The following HEATR4 variants were observed in gnomAD, a reference collection of about 807,000 sequenced individuals.
HEATR4 encodes HEAT repeat-containing protein 4.
A neutral mutation model predicts 108.8 loss-of-function variants in HEATR4; 95 were observed. The ratio of observed to expected loss-of-function variants is 0.87; its 90% CI spans 0.74 to 1.04. The LOEUF (loss-of-function observed/expected upper bound fraction) is 1.04. HEATR4 is among the 50% of genes least tolerant of loss of function. The pLI is 0.00. For missense variants in HEATR4, 1,152 were observed against 1,253.8 expected (o/e 0.92, Z 1.23); for synonymous variants, 443 against 459.4 (o/e 0.96, Z 0.46).
the HEATR4 span, among the ~76,000 whole-genome samples, chr14:73,625,431 G>A: frequency 6.6e-6 from 1 of 151,814 alleles, no homozygotes; most frequent in Non-Finnish European, 1.5e-5. Context: ...GCACGATCTC[G>A]ACTCACAGCA....
intron 1 of HEATR4, among the ~76,000 whole-genome samples, chr14:73,544,757 C>A (rs1406990302): frequency 8.8e-6 from 1 of 113,368 alleles, no homozygotes; most frequent in African/African-American, 2.9e-5. Context: ...GGCAACATGG[C>A]AAAACCCCGT....
At chr14:73,595,338 C>G in the HEATR4 span, 1 of 1,614,178 alleles carries the variant, frequency 6.2e-7, no homozygotes, top group Non-Finnish European at 8.5e-7. Context: ...GCCCAGGGGC[C>G]CATCCTGCTC....
intron 4 of HEATR4, among the ~76,000 whole-genome samples, chr14:73,519,370 G>C (rs35968838): frequency 1.4e-5 from 2 of 147,904 alleles, no homozygotes; most frequent in Non-Finnish European, 3.0e-5. Context: ...GTCTGTGGGG[G>C]AAAAAAAAAA....
At chr14:73,562,595 T>C (rs576545774), upstream of HEATR4, among the ~76,000 whole-genome samples, 34 of 152,114 alleles carry the variant, frequency 2.2e-4, no homozygotes, top group Admixed American at 2.1e-3. Context: ...AGGAGAGATA[T>C]CACTAAATTA....
the HEATR4 span, chr14:73,594,967 A>C: frequency 2.0e-6 from 3 of 1,522,962 alleles, no homozygotes; most frequent in Admixed American, 3.6e-5. Context: ...CGCCTCGCAG[A>C]GTGTTGGGAT....
the HEATR4 span, among the ~76,000 whole-genome samples, chr14:73,604,102 T>C: frequency 0.044 from 6,650 of 151,504 alleles, 179 homozygotes; most frequent in Middle Eastern, 0.075. Context: ...AACACATATA[T>C]ACAACTACAC....
In HEATR4 at chr14:73,537,291, C is replaced by T. The variant is rs577588070; in HGVS notation, c.-151-7047G>A. On this transcript the variant is annotated intron_variant, in intron 1 of 17. Coordinates refer to ENST00000553558, the MANE Select transcript of HEATR4 (RefSeq NM_001220484.1). ...CGGCTGGACTCTGGCCTTCCCCGCT[C>T]ACATTAGCAGACAGCTCTGCCCTAG... 1.2e-4 allele frequency: 101 copies of T among 833,156 alleles called. 29 individuals carry two copies. The Admixed American group carries it at 3.5e-3, about 29-fold the overall frequency. 51.6% of individuals were successfully genotyped at this position (833,156 alleles called of 1,614,324 possible).
chr14:73,566,282 GTGCAC>G, the HEATR4 span, among the ~76,000 whole-genome samples: 172 of 152,238 alleles, frequency 1.1e-3, no homozygotes, highest in Admixed American at 2.0e-3. Context: ...CCAGTGGATC[GTGCAC>G]TGGGGCTGCA....
the HEATR4 span, among the ~76,000 whole-genome samples, chr14:73,592,801 C>T: frequency 6.6e-6 from 1 of 151,950 alleles, no homozygotes; most frequent in Non-Finnish European, 1.5e-5. Context: ...TGCAGTGAGC[C>T]GAGATCGCAC....
At chr14:73,589,447 G>A in the HEATR4 span, among the ~76,000 whole-genome samples, 1 of 152,032 alleles carries the variant, frequency 6.6e-6, no homozygotes, top group Non-Finnish European at 1.5e-5. Context: ...AGCCTCCCAG[G>A]TAGCTGAGAC....
the HEATR4 span, among the ~76,000 whole-genome samples, chr14:73,580,167 G>A: frequency 6.6e-6 from 1 of 152,110 alleles, no homozygotes; most frequent in African/African-American, 2.4e-5. Flanking sequence ...ACAGGCTCTG[G>A]CCAGGCTGGA....
At chr14:73,628,850 G>C in the HEATR4 span, among the ~76,000 whole-genome samples, 2 of 151,718 alleles carry the variant, frequency 1.3e-5, no homozygotes, top group Admixed American at 1.3e-4. Flanking sequence ...TCAGGAGTTT[G>C]AGACCAGCCT....
chr14:73,589,924 C>T, the HEATR4 span, among the ~76,000 whole-genome samples: 292 of 152,220 alleles, frequency 1.9e-3, no homozygotes, highest in African/African-American at 6.9e-3. Context: ...GGCGGCATGT[C>T]TGGAGTTGTT....
the HEATR4 span, among the ~76,000 whole-genome samples, chr14:73,618,562 A>G: frequency 1.4e-5 from 2 of 146,396 alleles, no homozygotes; most frequent in African/African-American, 2.8e-5. Context: ...GTGGATTCCA[A>G]GATTTTAAAT....
chr14:73,609,112 C>A, the HEATR4 span, among the ~76,000 whole-genome samples: 2 of 152,164 alleles, frequency 1.3e-5, no homozygotes, highest in African/African-American at 2.4e-5. Flanking sequence ...GTAATGCTAA[C>A]CCTCTGTGTA....
chr14:73,502,495 A>G (rs1886534901), intron 11 of HEATR4, among the ~76,000 whole-genome samples: 1 of 151,984 alleles, frequency 6.6e-6, no homozygotes, highest in Non-Finnish European at 1.5e-5. Context: ...GACCTGGTCC[A>G]GGGTCCGTAC....
At chr14:73,586,171 A>T in the HEATR4 span, among the ~76,000 whole-genome samples, 1 of 151,942 alleles carries the variant, frequency 6.6e-6, no homozygotes, top group Non-Finnish European at 1.5e-5. Context: ...AGGCGAGTGG[A>T]TCACCTGAGG....
chr14:73,569,446 T>C, the HEATR4 span: 1 of 1,613,744 alleles, frequency 6.2e-7, no homozygotes, highest in Non-Finnish European at 8.5e-7. Flanking sequence ...ACGCTGATCC[T>C]GGAGCCTGCG....
chr14:73,633,231 C>T, the HEATR4 span, among the ~76,000 whole-genome samples: 15 of 152,162 alleles, frequency 9.9e-5, no homozygotes, highest in Admixed American at 7.2e-4. Context: ...TCTCGAACTC[C>T]TGACCTCACG....
Sources: gnomAD v4.1 joint callset for allele counts (sites outside exome capture counted in the v4.1 genomes callset) on GRCh38, gnomAD v4.1.1 for gene constraint, MANE v1.5 for transcripts, NCBI Gene and HGNC (gene_info 2026-07-23, HGNC 2026-07-21) for gene names.